The following ATP8B2 variants were observed in gnomAD, a reference collection of about 807,000 sequenced individuals.
ATP8B2 encodes ATPase phospholipid transporting 8B2, also known as phospholipid-transporting ATPase ID.
In ATP8B2, 70 loss-of-function variants were observed where a neutral mutation model predicts 133.4. The observed-to-expected ratio is 0.52, with a 90% CI of 0.43 to 0.64. ATP8B2 has a LOEUF of 0.64. Ranked by LOEUF, ATP8B2 falls within the 30% of genes least tolerant of loss-of-function variation. The probability of loss-of-function intolerance (pLI) is 0.00; values close to 1 mark genes in which losing one functional copy is unlikely to be tolerated. For synonymous variants in ATP8B2, 517 were observed against 589.5 expected (o/e 0.88, Z 1.78); for missense variants, 1,101 against 1,535.7 (o/e 0.72, Z 4.73).
At position 154,340,766 on chromosome 1, in the gene ATP8B2, C is replaced by T; in HGVS notation, c.1035-88C>T. On this transcript the variant is annotated intron_variant, in intron 12 of 27. Coordinates refer to ENST00000368489, the MANE Select transcript of ATP8B2 (RefSeq NM_001370597.1). This position sits in a 1 kb window ranked among gnomAD's most constrained non-coding sequence, Gnocchi z 4.0. ...TGTCTTCTCCGTTCTTGTCTCTCCC[C>T]AGGCGGAGGGCCTGCAGCGAAGGCC... The T allele has an allele frequency of 7.9e-7, 1 of 1,261,674 alleles. No individual in the cohort carries two copies. Among genetic ancestry groups the T allele is most frequent in the Non-Finnish European group, 1.1e-6 (1 of 873,036 alleles). The allele number at this position is 1,261,674 out of a possible 1,614,324, so 78.2% of individuals were successfully genotyped here.
At chr1:154,337,616 A>C (rs1479286662) in intron 12 of ATP8B2, 72 bp downstream of exon 12, 3 of 1,614,008 alleles carry the variant, frequency 1.9e-6, no homozygotes, top group Non-Finnish European at 2.5e-6. Flanking sequence ...TTTTCTATGA[A>C]GATGAAGTCC....
intron 26 of ATP8B2, 132 bp from the exon 27 acceptor site, chr1:154,348,275 AG>A: frequency 2.1e-6 from 2 of 973,340 alleles, no homozygotes. Flanking sequence ...TTACATTTGG[AG>A]GGTGAGCCTG....
chr1:154,333,318 G>A (rs1362807827), intron 9 of ATP8B2, among the ~76,000 whole-genome samples: 1 of 150,540 alleles, frequency 6.6e-6, no homozygotes, highest in East Asian at 2.0e-4. Context: ...TGACAAGAGC[G>A]AAACTCTGTC....
At chr1:154,332,071 G>A (rs776426002) in intron 8 of ATP8B2, 47 bp downstream of exon 8, 1 of 1,580,646 alleles carries the variant, frequency 6.3e-7, no homozygotes, top group Non-Finnish European at 8.7e-7. Context: ...TCTCTTTGGA[G>A]GTAAAAAGAT....
In ATP8B2 at chr1:154,331,053, C is replaced by A; in HGVS notation, c.210C>A (p.Ile70=). The A allele has an allele frequency of 6.2e-7, 1 of 1,613,358 alleles. No homozygotes were observed. ...CTTCTCTTTCTTTTTTTCAGTTGAT[C>A]CCCCAGATCTCTTCCCTGTCCTGGT... ...YFLFLLILQL[I]PQISSLSWFT... Residue 70 remains isoleucine, a synonymous_variant, in exon 5 of 28, where the codon ATC becomes ATA. Coordinates refer to ENST00000368489, the MANE Select transcript of ATP8B2 (RefSeq NM_001370597.1). The surrounding 1 kb of genome is among the most constrained non-coding windows in gnomAD (Gnocchi z 4.8).
At chr1:154,347,061 T>C (rs192956753) in intron 26 of ATP8B2, among the ~76,000 whole-genome samples, 3 of 152,254 alleles carry the variant, frequency 2.0e-5, no homozygotes, top group African/African-American at 7.2e-5. Context: ...GGCTAATTTT[T>C]GTATTTTTAG....
At chr1:154,330,067 A>G (rs1685929553) in intron 2 of ATP8B2, among the ~76,000 whole-genome samples, 1 of 152,172 alleles carries the variant, frequency 6.6e-6, no homozygotes, top group African/African-American at 2.4e-5. Flanking sequence ...AATAGCAGCA[A>G]AAGGGGCTGG....
chr1:154,341,884 C>T (rs1558273284), intron 13 of ATP8B2: 1 of 154,900 alleles, frequency 6.5e-6, no homozygotes, highest in Non-Finnish European at 1.4e-5. Context: ...TAGGGGAGCT[C>T]CTTGGCTGTT....
intron 9 of ATP8B2, among the ~76,000 whole-genome samples, chr1:154,333,330 C>CA (rs1356599159): frequency 1.4e-5 from 2 of 142,658 alleles, no homozygotes; most frequent in African/African-American, 5.3e-5. Context: ...AACTCTGTCT[C>CA]AAAAAGAAAA....
At chr1:154,347,148 C>T (rs778098640) in intron 26 of ATP8B2, among the ~76,000 whole-genome samples, 29 of 152,298 alleles carry the variant, frequency 1.9e-4, no homozygotes, top group Non-Finnish European at 2.8e-4. Flanking sequence ...CCTCGGCCTC[C>T]CAAAGTGCTG....
Position 154,331,905 on chromosome 1 carries a change from G to T in ATP8B2, c.439-49G>T. 6.4e-7 allele frequency: 1 copy of T among 1,557,800 alleles called. No individual in the cohort carries two copies. The highest frequency in any genetic ancestry group is 1.1e-5 in the South Asian group (1 of 89,796). On this transcript the variant is annotated intron_variant, in intron 7 of 27. Transcript: ENST00000368489. This position sits in a 1 kb window ranked among gnomAD's most constrained non-coding sequence, Gnocchi z 4.8. ...GAAGGAGCCACCATTACAGCCCACT[G>T]GGGGTGGAGGTTTGCATATTTGGAC...
chr1:154,333,075 C>T (rs570829025), intron 9 of ATP8B2, among the ~76,000 whole-genome samples: 9 of 152,122 alleles, frequency 5.9e-5, no homozygotes, highest in African/African-American at 1.9e-4. Flanking sequence ...TTTGGGAGGC[C>T]GAGGTGGGCG....
Position 154,351,262 on chromosome 1 carries a change from G to C in ATP8B2, c.*2144G>C, listed in dbSNP as rs546814229. ...CTTGCAAAAATTATATCATTTTATG[G>C]ATATAAGAGAAAAATGCCTTTTTAT... On this transcript the variant is annotated 3_prime_UTR_variant, in exon 28 of 28. Transcript: ENST00000368489. 1 of 152,452 alleles carries C rather than the reference G, an allele frequency of 6.6e-6. No individual in the cohort carries two copies. Among genetic ancestry groups the C allele is most frequent in the South Asian group, 2.1e-4 (1 of 4,820 alleles). The allele number at this position is 152,452 out of a possible 1,614,324, so 9.4% of individuals were successfully genotyped here.
In ATP8B2 at chr1:154,346,928, A is replaced by C. The variant is rs936140351; in HGVS notation, c.3163+170A>C. On this transcript the variant is annotated intron_variant, in intron 26 of 27. Transcript: ENST00000368489. The surrounding 1 kb of genome is among the most constrained non-coding windows in gnomAD (Gnocchi z 4.5). Reference sequence around the variant, plus strand: ...AGGAGTCTTGCCCAGGCTGGAGTGCAGTGGTGCGATCTCGGCTCACTGCAG... The same window carrying C: ...AGGAGTCTTGCCCAGGCTGGAGTGCCGTGGTGCGATCTCGGCTCACTGCAG... Among the ~76,000 whole-genome samples the C allele has an allele frequency of 6.6e-5, 10 of 152,102 alleles. No individual in the cohort carries two copies. The highest frequency in any genetic ancestry group is 2.4e-4 in the African/African-American group (10 of 41,414).
intron 12 of ATP8B2, 23 bp downstream of exon 12, chr1:154,337,567 G>A (rs752330029): frequency 1.2e-6 from 2 of 1,614,046 alleles, no homozygotes; most frequent in Non-Finnish European, 8.5e-7. Flanking sequence ...TCTGACCTGG[G>A]GTCTCTCCAG....
chr1:154,327,825 T>A, intron 1 of ATP8B2: 1 of 1,613,768 alleles, frequency 6.2e-7, no homozygotes, highest in Non-Finnish European at 8.5e-7. Context: ...GCTGTTCCCC[T>A]TTTTTCAATA....
chr1:154,343,010 G>GGCTCT lies in ATP8B2; in HGVS notation c.1453+62_1453+66dup, dbSNP rs748769937. The GGCTCT allele has an allele frequency of 7.5e-6, 12 of 1,605,312 alleles. No homozygotes were observed. In the South Asian group the frequency reaches 1.0e-4, roughly 13 times the overall value. On this transcript the variant is annotated intron_variant, in intron 15 of 27. Transcript: ENST00000368489. The surrounding 1 kb of genome is among the most constrained non-coding windows in gnomAD (Gnocchi z 5.8). ...CTCTCCTGACCTGACTCTGCCCTTGGGCTCTGCTCTGCTCTGCAATGCGGC... is the reference window on the plus strand; with the variant it reads ...CTCTCCTGACCTGACTCTGCCCTTGGGCTCTGCTCTGCTCTGCTCTGCAATGCGGC...
In ATP8B2 at chr1:154,349,144, A is replaced by G. The variant is rs1386884756; in HGVS notation, c.*26A>G. On this transcript the variant is annotated 3_prime_UTR_variant, in exon 28 of 28. Transcript: ENST00000368489. ...AGGCCGAGGATGGATGCCCTGTGCC[A>G]GTGACCAGAGCACCCAGGGCTGGCC... 1 of 1,605,416 alleles carries G rather than the reference A, an allele frequency of 6.2e-7. No homozygotes were observed. Among genetic ancestry groups the G allele is most frequent in the African/African-American group, 1.3e-5 (1 of 74,888 alleles).
intron 12 of ATP8B2, chr1:154,337,869 C>A: frequency 1.1e-6 from 1 of 880,912 alleles, no homozygotes; most frequent in Non-Finnish European, 1.6e-6. Flanking sequence ...CTTCTAGGAG[C>A]TTACGTCTAG....
Sources: gnomAD v4.1 joint callset for allele counts (sites outside exome capture counted in the v4.1 genomes callset) on GRCh38, gnomAD v4.1.1 for gene constraint, Gnocchi (gnomAD v3.1) non-coding constraint, MANE v1.5 for transcripts, NCBI Gene and HGNC (gene_info 2026-07-23, HGNC 2026-07-21) for gene names.